CA10: variants seen among roughly 807,000 people sequenced by gnomAD.
CA10 encodes carbonic anhydrase 10 (inactive).
In CA10, 14 loss-of-function variants were observed where a neutral mutation model predicts 44.2. That is an observed-to-expected ratio of 0.32 (90% confidence interval 0.21 to 0.50). The LOEUF (loss-of-function observed/expected upper bound fraction) is 0.50, where lower values mean the gene tolerates loss of function less well. Among genes scored for constraint, CA10 ranks in the 20% least tolerant of loss-of-function variants. The pLI is 0.99. For missense variants in CA10, 350 were observed against 409.7 expected, an observed-to-expected ratio of 0.85 and a Z score of 1.26; for synonymous variants, 159 against 141.6, an observed-to-expected ratio of 1.12 and a Z score of -0.87.
At chr17:51,646,301 G>C (rs1032651324) in intron 6 of CA10, among the ~76,000 whole-genome samples, 3 of 152,194 alleles carry the variant, frequency 2.0e-5, no homozygotes, top group Admixed American at 6.5e-5. Flanking sequence ...GTAAAGCATA[G>C]ACCTTGGTGT....
At chr17:51,742,249 C>T (rs1191378839) in intron 4 of CA10, among the ~76,000 whole-genome samples, 1 of 152,138 alleles carries the variant, frequency 6.6e-6, no homozygotes, top group Non-Finnish European at 1.5e-5. Context: ...AGTAGCACTT[C>T]CATATGTATT....
intron 1 of CA10, among the ~76,000 whole-genome samples, chr17:52,095,831 C>T (rs1988388136): frequency 6.6e-6 from 1 of 152,084 alleles, no homozygotes; most frequent in Non-Finnish European, 1.5e-5. Context: ...TTACGTATGC[C>T]GTTCAGTACC....
At chr17:52,099,471 T>C (rs960926904) in intron 1 of CA10, among the ~76,000 whole-genome samples, 3 of 152,202 alleles carry the variant, frequency 2.0e-5, no homozygotes, top group Non-Finnish European at 4.4e-5. Context: ...TTTCTGTTTG[T>C]TTTTGGCATC....
intron 3 of CA10, among the ~76,000 whole-genome samples, chr17:51,833,151 GA>G (rs1295914591): frequency 6.6e-6 from 1 of 152,130 alleles, no homozygotes; most frequent in African/African-American, 2.4e-5. Context: ...CCTCTGCTGG[GA>G]GAATGACGAT....
intron 3 of CA10, among the ~76,000 whole-genome samples, chr17:51,910,285 G>C (rs1981736274): frequency 6.6e-6 from 1 of 150,422 alleles, no homozygotes; most frequent in Non-Finnish European, 1.5e-5. Context: ...GTTTAATTTT[G>C]ATTATAAACA....
intron 3 of CA10, among the ~76,000 whole-genome samples, chr17:51,834,034 C>T (rs960848279): frequency 6.6e-6 from 1 of 152,184 alleles, no homozygotes; most frequent in Non-Finnish European, 1.5e-5. Context: ...TTCCTATTTA[C>T]AGTTTATTAA....
chr17:52,025,978 T>C (rs1316899969), intron 2 of CA10, among the ~76,000 whole-genome samples: 1 of 152,020 alleles, frequency 6.6e-6, no homozygotes, highest in African/African-American at 2.4e-5. Context: ...ATATGTATAA[T>C]GTGTATATTA....
At chr17:52,077,904 T>C (rs185817743) in intron 1 of CA10, among the ~76,000 whole-genome samples, 5 of 152,310 alleles carry the variant, frequency 3.3e-5, no homozygotes, top group East Asian at 3.9e-4. Context: ...AATAAAGACC[T>C]GAACAATATC....
chr17:52,050,356 C>A (rs553291169), intron 2 of CA10, among the ~76,000 whole-genome samples: 3 of 152,054 alleles, frequency 2.0e-5, no homozygotes, highest in Non-Finnish European at 4.4e-5. Flanking sequence ...CTCTCCAAGT[C>A]TAGTCACTGT....
intron 4 of CA10, among the ~76,000 whole-genome samples, chr17:51,746,085 G>T (rs879736180): frequency 2.6e-4 from 39 of 152,140 alleles, no homozygotes; most frequent in Admixed American, 2.2e-3. Flanking sequence ...ATCAATCCTA[G>T]TATTTTTTTT....
chr17:51,644,317 A>G (rs1211569959), intron 6 of CA10, among the ~76,000 whole-genome samples: 2 of 152,132 alleles, frequency 1.3e-5, no homozygotes, highest in Non-Finnish European at 2.9e-5. Flanking sequence ...CAGTTTGCTG[A>G]TGAGGCAGCC....
At chr17:52,009,420 T>G (rs1000278551) in intron 2 of CA10, among the ~76,000 whole-genome samples, 1 of 151,960 alleles carries the variant, frequency 6.6e-6, no homozygotes, top group Non-Finnish European at 1.5e-5. Flanking sequence ...GCCTTTTAAT[T>G]AATCATTATT....
At chr17:51,857,308 A>C (rs765288663) in intron 3 of CA10, among the ~76,000 whole-genome samples, 1 of 152,160 alleles carries the variant, frequency 6.6e-6, no homozygotes, top group Non-Finnish European at 1.5e-5. Flanking sequence ...TAATCTGCAT[A>C]TCATGGCAGA....
chr17:51,711,839 G>A (rs571384637), intron 4 of CA10, among the ~76,000 whole-genome samples: 4 of 152,268 alleles, frequency 2.6e-5, no homozygotes, highest in African/African-American at 9.6e-5. Context: ...TTCTGCTGGG[G>A]GTGAGGTGGG....
Position 51,766,699 on chromosome 17 carries a change from C to T in CA10, c.280-18881G>A, listed in dbSNP as rs115225978. On this transcript the variant is annotated intron_variant, in intron 3 of 8. Coordinates refer to ENST00000451037, the MANE Select transcript of CA10 (RefSeq NM_020178.5). ...AGAAAAAATAAGTTATAAACAGAAT[C>T]AGGATTCTTTCCCTTGAAGCAATTC... Among the ~76,000 whole-genome samples, 774 of 152,286 alleles carry T rather than the reference C, an allele frequency of 5.1e-3. 8 individuals are homozygous for T. The highest frequency in any genetic ancestry group is 0.018 in the African/African-American group (744 of 41,558).
At chr17:51,700,108 A>G (rs1261974876) in intron 4 of CA10, among the ~76,000 whole-genome samples, 1 of 152,128 alleles carries the variant, frequency 6.6e-6, no homozygotes, top group African/African-American at 2.4e-5. Context: ...TGCTGCAGAG[A>G]GAACTAGACT....
chr17:51,996,340 C>A (rs1440579338), intron 2 of CA10, among the ~76,000 whole-genome samples: 1 of 3,464 alleles, frequency 2.9e-4, no homozygotes, highest in Non-Finnish European at 0.016. Context: ...TAGCTCATAT[C>A]TCTTCTGTAA....
At chr17:52,092,327 T>C (rs1451417810) in intron 1 of CA10, among the ~76,000 whole-genome samples, 2 of 152,190 alleles carry the variant, frequency 1.3e-5, no homozygotes, top group Non-Finnish European at 2.9e-5. Flanking sequence ...CATTCAGCAA[T>C]CCTAAGAGGA....
chr17:51,833,089 A>G (rs1327770178), intron 3 of CA10, among the ~76,000 whole-genome samples: 1 of 152,160 alleles, frequency 6.6e-6, no homozygotes, highest in Non-Finnish European at 1.5e-5. Flanking sequence ...GAATTTAAAG[A>G]GGCCCTCTGG....
Sources: gnomAD v4.1 joint callset for allele counts (sites outside exome capture counted in the v4.1 genomes callset) on GRCh38, gnomAD v4.1.1 for gene constraint, MANE v1.5 for transcripts, NCBI Gene and HGNC (gene_info 2026-07-23, HGNC 2026-07-21) for gene names.